The following FAM184B variants were observed in gnomAD, a reference collection of about 807,000 sequenced individuals.
The protein encoded by FAM184B is protein FAM184B.
Under a neutral mutation model 135.9 loss-of-function variants are expected in FAM184B, and 111 were observed. That is an observed-to-expected ratio of 0.82 (90% CI 0.70 to 0.96). The LOEUF (loss-of-function observed/expected upper bound fraction) is 0.96, where lower values mean the gene tolerates loss of function less well. FAM184B is among the 40% of genes least tolerant of loss of function. The probability of loss-of-function intolerance (pLI) is 0.00; values close to 1 mark genes in which losing one functional copy is unlikely to be tolerated. For missense variants in FAM184B, 1,375 were observed against 1,323.9 expected, an observed-to-expected ratio of 1.04 and a Z score of -0.60; for synonymous variants, 552 against 524.8, an observed-to-expected ratio of 1.05 and a Z score of -0.71.
At chr4:17,736,864 G>T (rs1717921241) in intron 1 of FAM184B, among the ~76,000 whole-genome samples, 1 of 152,208 alleles carries the variant, frequency 6.6e-6, no homozygotes, top group Non-Finnish European at 1.5e-5. Context: ...AAAAGGGGAG[G>T]CCTAGTGCAG....
At chr4:17,645,995 C>T (rs1715458078) in intron 12 of FAM184B, among the ~76,000 whole-genome samples, 1 of 152,120 alleles carries the variant, frequency 6.6e-6, no homozygotes, top group African/African-American at 2.4e-5. Flanking sequence ...TCATCACTGG[C>T]CATCAGAGAA....
intron 1 of FAM184B, among the ~76,000 whole-genome samples, chr4:17,710,789 G>A (rs1027174363): frequency 2.0e-5 from 3 of 152,182 alleles, no homozygotes; most frequent in South Asian, 4.1e-4. Context: ...GCCACAGGTC[G>A]GTGTTTCCTG....
chr4:17,723,447 C>T (rs1168756663), intron 1 of FAM184B, among the ~76,000 whole-genome samples: 1 of 152,216 alleles, frequency 6.6e-6, no homozygotes, highest in Non-Finnish European at 1.5e-5. Flanking sequence ...CCTGACTGCA[C>T]GTGGCCTCGA....
chr4:17,644,544 G>A (rs572101621), intron 12 of FAM184B, among the ~76,000 whole-genome samples: 4 of 152,302 alleles, frequency 2.6e-5, no homozygotes, highest in African/African-American at 9.6e-5. Flanking sequence ...AGCCCTTCAT[G>A]CTAAAAACTC....
chr4:17,633,911 T>G (rs1160377739), intron 16 of FAM184B, 23 bp from the exon 17 acceptor site: 33 of 1,472,978 alleles, frequency 2.2e-5, no homozygotes, highest in Non-Finnish European at 2.8e-5. Flanking sequence ...ATGGACAGGT[T>G]AGTGCAATGC....
At chr4:17,639,477 C>G in intron 13 of FAM184B, 81 bp from the exon 14 acceptor site, 2 of 1,483,766 alleles carry the variant, frequency 1.3e-6, no homozygotes, top group Non-Finnish European at 1.8e-6. Context: ...TTTCCCTCAT[C>G]GCTGCCCAGT....
intron 1 of FAM184B, among the ~76,000 whole-genome samples, chr4:17,755,252 TA>T (rs1408270906): frequency 2.0e-5 from 3 of 151,914 alleles, no homozygotes; most frequent in Non-Finnish European, 4.4e-5. Context: ...TAGGTCTTCA[TA>T]AAAAAGCCTA....
chr4:17,725,612 G>C (rs1314820100), intron 1 of FAM184B, among the ~76,000 whole-genome samples: 1 of 152,168 alleles, frequency 6.6e-6, no homozygotes, highest in Non-Finnish European at 1.5e-5. Context: ...GTGTGGGTTG[G>C]ATAATAGGGT....
chr4:17,645,070 C>T (rs1715431310), intron 12 of FAM184B, among the ~76,000 whole-genome samples: 1 of 152,002 alleles, frequency 6.6e-6, no homozygotes, highest in Non-Finnish European at 1.5e-5. Flanking sequence ...CACTGCTCAA[C>T]AAAATAAAAG....
chr4:17,651,150 A>G (rs908333332), intron 11 of FAM184B, among the ~76,000 whole-genome samples: 1 of 152,190 alleles, frequency 6.6e-6, no homozygotes, highest in African/African-American at 2.4e-5. Flanking sequence ...CTTGCTCTTA[A>G]GAGTAAGAAA....
Position 17,709,064 on chromosome 4 carries a change from C to A in FAM184B, c.722G>T (p.Ser241Ile). The change falls in exon 2 of 18, where the codon AGC becomes ATC. Residue 241 changes from serine to isoleucine, a missense_variant. Coordinates refer to ENST00000265018, the MANE Select transcript of FAM184B (RefSeq NM_015688.2). The stretch of plus-strand genomic sequence containing the variant: ...CTCCTGCCACTGCCACAGGGCCTGG[C>A]TCACCGACTGCTGCATGGCCTGCCG... Reference protein sequence around the residue: ...AIRQAMQQSVSQALWQWQEKE... With the variant: ...AIRQAMQQSVIQALWQWQEKE... 6.5e-7 allele frequency: 1 copy of A among 1,550,262 alleles called. No individual in the cohort carries two copies.
intron 1 of FAM184B, among the ~76,000 whole-genome samples, chr4:17,770,307 G>A (rs866080598): frequency 1.3e-5 from 2 of 152,238 alleles, no homozygotes; most frequent in South Asian, 2.1e-4. Context: ...GCCAGTGCGG[G>A]CGTCATAGCA....
intron 12 of FAM184B, among the ~76,000 whole-genome samples, chr4:17,647,103 A>AT (rs1480002820): frequency 2.0e-5 from 3 of 151,242 alleles, no homozygotes; most frequent in Non-Finnish European, 1.5e-5. Context: ...TCTGAATTAT[A>AT]AATAACATGC....
rs7678064 is a variant in FAM184B at position 17,630,601 on chromosome 4, C to G, written c.*1931G>C. ...AGATATTTTGTTAGAGCAGCCTGAA[C>G]GAACTAAGACACTCTAAGCGGGAAA... is the stretch of plus-strand genomic sequence containing the variant. On this transcript the variant is annotated 3_prime_UTR_variant, in exon 18 of 18. Coordinates refer to ENST00000265018, the MANE Select transcript of FAM184B (RefSeq NM_015688.2). 6.6e-6 allele frequency: 1 copy of G among 152,160 alleles called. No homozygotes were observed. Among genetic ancestry groups the G allele is most frequent in the South Asian group, 2.1e-4 (1 of 4,826 alleles). The allele number at this position is 152,160 out of a possible 1,614,324, so 9.4% of individuals were successfully genotyped here.
chr4:17,643,784 T>C (rs1269227788), intron 12 of FAM184B, among the ~76,000 whole-genome samples: 2 of 152,152 alleles, frequency 1.3e-5, no homozygotes, highest in Non-Finnish European at 2.9e-5. Context: ...CACCAATGAA[T>C]CCTCACCACC....
At chr4:17,763,939 T>C (rs186854426) in intron 1 of FAM184B, among the ~76,000 whole-genome samples, 38 of 152,254 alleles carry the variant, frequency 2.5e-4, no homozygotes, top group African/African-American at 8.7e-4. Context: ...TTACTAAAAA[T>C]ACCATCTAGA....
At chr4:17,672,636 C>T (rs1354396421) in intron 7 of FAM184B, among the ~76,000 whole-genome samples, 1 of 152,110 alleles carries the variant, frequency 6.6e-6, no homozygotes, top group African/African-American at 2.4e-5. Context: ...TTGAGATGAT[C>T]ATGTGATTTT....
intron 1 of FAM184B, among the ~76,000 whole-genome samples, chr4:17,711,551 T>A (rs1560183110): frequency 6.6e-6 from 1 of 150,584 alleles, no homozygotes; most frequent in East Asian, 2.0e-4. Context: ...TGGTCTCAGT[T>A]ACTTGGGAGG....
rs1560160996 is a variant in FAM184B, at chr4:17,630,615, C to CT, written c.*1916dup. The CT allele has an allele frequency of 1.3e-5, 2 of 152,186 alleles. No homozygotes were observed. The highest frequency in any genetic ancestry group is 2.4e-5 in the African/African-American group (1 of 41,446). 9.4% of individuals were successfully genotyped at this position (152,186 alleles called of 1,614,324 possible). ...AGCAGCCTGAACGAACTAAGACACT[C>CT]TAAGCGGGAAACTCACAAAAAATAT... On this transcript the variant is annotated 3_prime_UTR_variant, in exon 18 of 18. Transcript: ENST00000265018.
Sources: allele counts gnomAD v4.1 joint callset (sites outside exome capture counted in the v4.1 genomes callset), GRCh38; gene constraint gnomAD v4.1.1; transcripts MANE v1.5; gene names NCBI Gene and HGNC (gene_info 2026-07-23, HGNC 2026-07-21).